The following SNX29 variants were observed in gnomAD, a reference collection of about 807,000 sequenced individuals.
The protein encoded by SNX29 is sorting nexin-29.
Under a neutral mutation model 102.1 loss-of-function variants are expected in SNX29, and 78 were observed. That is an observed-to-expected ratio of 0.76 (90% CI 0.64 to 0.92). The LOEUF (loss-of-function observed/expected upper bound fraction) is 0.92, where lower values mean the gene tolerates loss of function less well. SNX29 is among the 40% of genes least tolerant of loss of function. The probability of loss-of-function intolerance (pLI) is 0.00; values close to 1 mark genes in which losing one functional copy is unlikely to be tolerated. For synonymous variants in SNX29, 580 were observed against 414.5 expected (o/e 1.40, Z -4.85); for missense variants, 1,280 against 1,061.7 (o/e 1.21, Z -2.86).
rs2079108438 is a variant in SNX29 at position 12,568,496 on chromosome 16, G to GCT, written c.2319-7_2319-6dup. ...CCAGACTTAACCCGATTCTCTCCCT[G>GCT]CTCTTTCAGCGACATCACCCCGCCC... On this transcript the variant is annotated splice_polypyrimidine_tract_variant and intron_variant, in intron 20 of 20. Transcript: ENST00000566228. 6.2e-7 allele frequency: 1 copy of GCT among 1,609,144 alleles called. No individual in the cohort carries two copies. The highest frequency in any genetic ancestry group is 8.5e-7 in the Non-Finnish European group (1 of 1,179,804).
rs1331197902 is a variant in SNX29 at position 12,369,482 on chromosome 16, C to G, written c.1899+13203C>G. Among the ~76,000 whole-genome samples the G allele has an allele frequency of 2.0e-5, 3 of 152,134 alleles. No homozygotes were observed. The East Asian group carries it at 5.8e-4, about 29-fold the overall frequency. ...ATGTCATGAGCATGGGAAAGGGGTT[C>G]CTGTGCCTGGGGCAACCGCGTGGGA... is the stretch of plus-strand genomic sequence containing the variant. On this transcript the variant is annotated intron_variant, in intron 16 of 20. Transcript: ENST00000566228.
At chr16:12,307,791 G>T (rs75796875) in intron 15 of SNX29, among the ~76,000 whole-genome samples, 7,680 of 152,258 alleles carry the variant, frequency 0.05, 470 homozygotes, top group East Asian at 0.33. Context: ...GCCATCAATG[G>T]CAAAACACAC....
intron 15 of SNX29, among the ~76,000 whole-genome samples, chr16:12,321,622 TC>T (rs1265042887): frequency 6.6e-6 from 1 of 152,074 alleles, no homozygotes; most frequent in East Asian, 1.9e-4. Flanking sequence ...GCAGATGAGC[TC>T]AAAGAGGGCG....
At chr16:12,246,809 G>A (rs1308550931) in intron 14 of SNX29, among the ~76,000 whole-genome samples, 1 of 152,176 alleles carries the variant, frequency 6.6e-6, no homozygotes, top group African/African-American at 2.4e-5. Context: ...CATAGGGTCT[G>A]CTTAGGTCTG....
In SNX29 at chr16:12,553,206, T is replaced by C. The variant is rs12933684; in HGVS notation, c.2319-15300T>C. ...AGTATACAGCTGCAGTTATTTCCAGTAGCCATGCTCGCAGATGGGGACTTG... is the reference window on the plus strand; with the variant it reads ...AGTATACAGCTGCAGTTATTTCCAGCAGCCATGCTCGCAGATGGGGACTTG... On this transcript the variant is annotated intron_variant, in intron 20 of 20. Coordinates refer to ENST00000566228, the MANE Select transcript of SNX29 (RefSeq NM_032167.5). Among the ~76,000 whole-genome samples the C allele has an allele frequency of 2.6e-5, 4 of 152,146 alleles. No individual in the cohort carries two copies. The East Asian group carries it at 7.7e-4, about 29-fold the overall frequency.
intron 11 of SNX29, chr16:12,081,597 C>T (rs72784646): frequency 0.29 from 43,355 of 148,006 alleles, 7,436 homozygotes; most frequent in Non-Finnish European, 0.39. Context: ...GCTTAAACCC[C>T]GGGAGGTGGA....
chr16:12,424,369 C>G (rs1280560624), intron 18 of SNX29, among the ~76,000 whole-genome samples: 3 of 152,138 alleles, frequency 2.0e-5, no homozygotes, highest in Non-Finnish European at 2.9e-5. Context: ...CCACTGCATA[C>G]TTTATATGGA....
At chr16:12,559,366 C>G (rs1278971696) in intron 20 of SNX29, among the ~76,000 whole-genome samples, 2 of 151,498 alleles carry the variant, frequency 1.3e-5, no homozygotes, top group South Asian at 2.1e-4. Context: ...GAATCTCATG[C>G]CTGATGATCT....
chr16:12,395,894 A>G (rs2083702780), intron 16 of SNX29, among the ~76,000 whole-genome samples: 1 of 152,236 alleles, frequency 6.6e-6, no homozygotes, highest in South Asian at 2.1e-4. Context: ...ACAAAATTTG[A>G]TGTTGAGTAA....
At chr16:12,528,398 C>T (rs908801955) in intron 20 of SNX29, among the ~76,000 whole-genome samples, 6 of 152,090 alleles carry the variant, frequency 3.9e-5, no homozygotes, top group African/African-American at 1.4e-4. Flanking sequence ...TGGGGTTTTG[C>T]CATGTTGGCC....
chr16:12,059,487 T>G (rs934164755), intron 8 of SNX29, among the ~76,000 whole-genome samples: 1 of 152,238 alleles, frequency 6.6e-6, no homozygotes, highest in Non-Finnish European at 1.5e-5. Flanking sequence ...CATTGTGGTA[T>G]GGGCATGGTT....
At chr16:12,435,195 C>A (rs766686716) in intron 18 of SNX29, among the ~76,000 whole-genome samples, 1 of 152,186 alleles carries the variant, frequency 6.6e-6, no homozygotes, top group Admixed American at 6.5e-5. Flanking sequence ...TGTCTCCTCC[C>A]GTTTCCCTCT....
intron 1 of SNX29, among the ~76,000 whole-genome samples, chr16:11,990,453 G>A (rs1335732023): frequency 2.0e-5 from 3 of 152,120 alleles, no homozygotes; most frequent in African/African-American, 7.2e-5. Context: ...GCACTGCGGG[G>A]GTCCCTCCTG....
intron 20 of SNX29, among the ~76,000 whole-genome samples, chr16:12,533,140 G>A (rs1322235251): frequency 6.6e-6 from 1 of 152,226 alleles, no homozygotes; most frequent in Non-Finnish European, 1.5e-5. Context: ...AAACACGGCC[G>A]CCTTTGCCAG....
At chr16:12,292,107 T>G (rs1472212063) in intron 15 of SNX29, among the ~76,000 whole-genome samples, 1 of 152,152 alleles carries the variant, frequency 6.6e-6, no homozygotes, top group African/African-American at 2.4e-5. Context: ...GAAATGTTCA[T>G]TTCGAAGCTG....
intron 20 of SNX29, among the ~76,000 whole-genome samples, chr16:12,535,509 TCA>T (rs1555568507): frequency 7.9e-5 from 12 of 152,174 alleles, no homozygotes; most frequent in Non-Finnish European, 7.4e-5. Flanking sequence ...AAACTGAGTC[TCA>T]CAGAGTGAAG....
chr16:12,280,294 T>G (rs977491801), intron 15 of SNX29, among the ~76,000 whole-genome samples: 1 of 152,158 alleles, frequency 6.6e-6, no homozygotes, highest in African/African-American at 2.4e-5. Context: ...GTCCTGGCCG[T>G]GTCACCACCC....
intron 16 of SNX29, among the ~76,000 whole-genome samples, chr16:12,390,111 A>G (rs2083470164): frequency 6.6e-6 from 1 of 151,864 alleles, no homozygotes. Context: ...AGAGGATGGC[A>G]GAGAGTTTGG....
chr16:12,050,244 A>G (rs1235499297), intron 7 of SNX29, among the ~76,000 whole-genome samples: 3 of 152,224 alleles, frequency 2.0e-5, no homozygotes, highest in Non-Finnish European at 4.4e-5. Context: ...ACCGCATCAC[A>G]CATTGGTTTA....
Sources: allele counts gnomAD v4.1 joint callset (sites outside exome capture counted in the v4.1 genomes callset), GRCh38; gene constraint gnomAD v4.1.1; transcripts MANE v1.5; gene names NCBI Gene and HGNC (gene_info 2026-07-23, HGNC 2026-07-21).